MCTP1: variants seen among roughly 807,000 people sequenced by gnomAD.
MCTP1 encodes the protein multiple C2 and transmembrane domain-containing protein 1.
MCTP1 carries 69 observed loss-of-function variants against 120.6 expected under a neutral mutation model. The ratio of observed to expected loss-of-function variants is 0.57; its 90% CI spans 0.47 to 0.70. The LOEUF is 0.70. Ranked by LOEUF, MCTP1 falls within the 30% of genes least tolerant of loss-of-function variation. The pLI, the probability that MCTP1 is intolerant of heterozygous loss-of-function variation, is 0.00. For missense variants in MCTP1, 1,203 were observed against 1,248.8 expected, an observed-to-expected ratio of 0.96 and a Z score of 0.55; for synonymous variants, 529 against 493.1, an observed-to-expected ratio of 1.07 and a Z score of -0.96.
intron 1 of MCTP1, among the ~76,000 whole-genome samples, chr5:95,069,570 A>G (rs1751574802): frequency 6.6e-6 from 1 of 152,202 alleles, no homozygotes; most frequent in East Asian, 1.9e-4. Context: ...GTGTGTGAAA[A>G]TAGAAAGCAT....
chr5:95,118,478 GAGACCATAAAAC>G (rs1473068313), intron 1 of MCTP1, among the ~76,000 whole-genome samples: 1 of 151,978 alleles, frequency 6.6e-6, no homozygotes, highest in Non-Finnish European at 1.5e-5. Flanking sequence ...AAAGAAGAAA[GAGACCATAAAAC>G]AAACAGAAAA....
rs181491267 is a variant in MCTP1 at position 95,167,126 on chromosome 5, T to G, written c.720+116730A>C. Among the ~76,000 whole-genome samples, 280 of 152,280 alleles carry G rather than the reference T, an allele frequency of 1.8e-3. 1 individual carries two copies. Among genetic ancestry groups the G allele is most frequent in the African/African-American group, 6.4e-3 (268 of 41,568 alleles). ...GTTGCCCTGTGTCCAAGTGTTCTGA[T>G]TGTTCAATTCCCACCTATGAGCGAG... is the stretch of plus-strand genomic sequence containing the variant. On this transcript the variant is annotated intron_variant, in intron 1 of 22. Coordinates refer to ENST00000515393, the MANE Select transcript of MCTP1 (RefSeq NM_024717.7).
At position 94,896,105 on chromosome 5, in the gene MCTP1, A is replaced by C. The variant is rs1238687128; in HGVS notation, c.1653-1270T>G. 5.3e-5 allele frequency among the ~76,000 whole-genome samples: 8 copies of C among 152,132 alleles called. No homozygotes were observed. In the East Asian group the frequency reaches 1.5e-3, roughly 29 times the overall value. ...ACTCTGAAGGGTGAAAAAACATATC[A>C]CATCCCTTATCTCATATTTAAATTT... On this transcript the variant is annotated intron_variant, in intron 10 of 22. Transcript: ENST00000515393.
intron 2 of MCTP1, among the ~76,000 whole-genome samples, chr5:94,977,511 C>CA (rs1012413508): frequency 1.3e-5 from 2 of 151,210 alleles, no homozygotes; most frequent in African/African-American, 2.4e-5. Flanking sequence ...CCCGAATAGT[C>CA]AAAAAAAATC....
rs530779553 is a variant in MCTP1 at position 95,123,742 on chromosome 5, C to T, written c.721-106258G>A. On this transcript the variant is annotated intron_variant, in intron 1 of 22. Coordinates refer to ENST00000515393, the MANE Select transcript of MCTP1 (RefSeq NM_024717.7). The stretch of plus-strand genomic sequence containing the variant: ...TCGGCTCACTGCAAGCTCTGCCTCC[C>T]GGGTTCATGCCATTCTCCTGCCTCA... Among the ~76,000 whole-genome samples, 25 of 151,892 alleles carry T rather than the reference C, an allele frequency of 1.6e-4. No individual in the cohort carries two copies. The South Asian group carries it at 3.8e-3, about 23-fold the overall frequency.
At chr5:95,241,463 T>G (rs2152679662) in intron 1 of MCTP1, among the ~76,000 whole-genome samples, 1 of 152,306 alleles carries the variant, frequency 6.6e-6, no homozygotes, top group East Asian at 1.9e-4. Flanking sequence ...ACACATAGAC[T>G]TGGAGATTCC....
intron 19 of MCTP1, among the ~76,000 whole-genome samples, chr5:94,729,677 A>T (rs1157591526): frequency 2.0e-5 from 3 of 152,360 alleles, no homozygotes; most frequent in Non-Finnish European, 4.4e-5. Flanking sequence ...GGAGAAGTGC[A>T]CGTAGTACAA....
At chr5:95,110,535 AAACC>A (rs1757379048) in intron 1 of MCTP1, among the ~76,000 whole-genome samples, 3 of 152,138 alleles carry the variant, frequency 2.0e-5, no homozygotes, top group Admixed American at 1.3e-4. Context: ...GAGTTAAAAT[AAACC>A]TTTATTATGT....
At chr5:95,223,854 G>A (rs577127014) in intron 1 of MCTP1, among the ~76,000 whole-genome samples, 1 of 152,306 alleles carries the variant, frequency 6.6e-6, no homozygotes, top group African/African-American at 2.4e-5. Flanking sequence ...TCTTTAAGCT[G>A]TGACCTGAAT....
In MCTP1 at chr5:95,284,415, G is replaced by C. The variant is rs368437699; in HGVS notation, c.161C>G (p.Pro54Arg). ...GGPERRTADT[P>R]SPSPPPPVGT... ...CACCGGGGGTGGCGGGGAGGGCGAC[G>C]GGGTGTCCGCAGTGCGGCGCTCTGG... The change falls in exon 1 of 23, where the codon CCG (proline) becomes CGG (arginine). Residue 54 changes from proline to arginine, a missense_variant. Physicochemically the swap from Pro to Arg is moderately radical, Grantham distance 103. Coordinates refer to ENST00000515393, the MANE Select transcript of MCTP1 (RefSeq NM_024717.7). The surrounding 1 kb of genome is among the most constrained non-coding windows in gnomAD (Gnocchi z 5.2). 1 of 1,577,220 alleles carries C rather than the reference G, an allele frequency of 6.3e-7. No homozygotes were observed. The highest frequency in any genetic ancestry group is 1.1e-5 in the South Asian group (1 of 88,914).
intron 19 of MCTP1, among the ~76,000 whole-genome samples, chr5:94,746,869 G>A (rs539725842): frequency 5.3e-5 from 8 of 152,182 alleles, no homozygotes; most frequent in Non-Finnish European, 7.3e-5. Context: ...CAACTCTTGC[G>A]TCAGTATATT....
intron 1 of MCTP1, among the ~76,000 whole-genome samples, chr5:95,252,770 T>C (rs1757499988): frequency 6.6e-6 from 1 of 152,120 alleles, no homozygotes; most frequent in African/African-American, 2.4e-5. Context: ...TAAGAATGTG[T>C]AGAGTCATAT....
intron 17 of MCTP1, among the ~76,000 whole-genome samples, chr5:94,853,476 G>C (rs1794142479): frequency 6.6e-6 from 1 of 152,000 alleles, no homozygotes; most frequent in African/African-American, 2.4e-5. Context: ...TTTAAGCCAA[G>C]TGTGGCTTGT....
chr5:94,705,251 A>T lies in MCTP1; in HGVS notation c.*2245T>A, dbSNP rs1754280795. 1 of 151,498 alleles carries T rather than the reference A, an allele frequency of 6.6e-6. No homozygotes were observed. The highest frequency in any genetic ancestry group is 2.4e-5 in the African/African-American group (1 of 41,354). 9.4% of individuals were successfully genotyped at this position (151,498 alleles called of 1,614,324 possible). A position where few individuals can be genotyped will look rare whatever the true frequency, so the allele number is the denominator to read the frequency against. On this transcript the variant is annotated 3_prime_UTR_variant, in exon 23 of 23. Coordinates refer to ENST00000515393, the MANE Select transcript of MCTP1 (RefSeq NM_024717.7). ...TAAATAGTTAAAATTTTAACTATAC[A>T]TATTCTGTTTTCAGCCTGTGAATGT... is the stretch of plus-strand genomic sequence containing the variant.
At chr5:94,946,125 TA>T (rs1230689090) in intron 3 of MCTP1, among the ~76,000 whole-genome samples, 1 of 152,178 alleles carries the variant, frequency 6.6e-6, no homozygotes, top group Non-Finnish European at 1.5e-5. Context: ...GTATCAAAGG[TA>T]AATGATACAG....
chr5:94,739,231 T>C (rs1764956526), intron 19 of MCTP1: 1 of 152,230 alleles, frequency 6.6e-6, no homozygotes, highest in Non-Finnish European at 1.5e-5. Flanking sequence ...CAATTCTAAG[T>C]AGACAACCTT....
intron 4 of MCTP1, among the ~76,000 whole-genome samples, chr5:94,940,664 C>T (rs1452592782): frequency 6.8e-6 from 1 of 146,040 alleles, no homozygotes; most frequent in Non-Finnish European, 1.5e-5. Flanking sequence ...ACTAAATACA[C>T]ATATGGGGTT....
At chr5:94,747,264 A>T (rs1483355719) in intron 19 of MCTP1, among the ~76,000 whole-genome samples, 1 of 152,170 alleles carries the variant, frequency 6.6e-6, no homozygotes, top group African/African-American at 2.4e-5. Context: ...CACCATTTTA[A>T]CAGTTATATA....
chr5:94,819,742 C>A (rs1785237633), intron 17 of MCTP1, among the ~76,000 whole-genome samples: 1 of 152,126 alleles, frequency 6.6e-6, no homozygotes, highest in Non-Finnish European at 1.5e-5. Context: ...CCATCTCAGG[C>A]CAAAATTTTA....
Sources: gnomAD v4.1 joint callset for allele counts (sites outside exome capture counted in the v4.1 genomes callset) on GRCh38, gnomAD v4.1.1 for gene constraint, Gnocchi (gnomAD v3.1) non-coding constraint, MANE v1.5 for transcripts, NCBI Gene and HGNC (gene_info 2026-07-23, HGNC 2026-07-21) for gene names.